Variants in PLCXD3 observed in about 807,000 individuals in gnomAD.
PLCXD3 encodes phosphatidylinositol specific phospholipase C X domain containing 3.
A neutral mutation model predicts 25.5 loss-of-function variants in PLCXD3; 19 were observed. The ratio of observed to expected loss-of-function variants is 0.75; its 90% CI spans 0.52 to 1.09. PLCXD3 has a LOEUF of 1.09. Ranked by LOEUF, PLCXD3 falls within the 50% of genes least tolerant of loss-of-function variation. The pLI is 0.00. For missense variants in PLCXD3, 411 were observed against 388.1 expected (o/e 1.06, Z -0.50); for synonymous variants, 174 against 137.6 (o/e 1.26, Z -1.85).
intron 2 of PLCXD3, among the ~76,000 whole-genome samples, chr5:41,357,717 T>G (rs1371615461): frequency 6.6e-6 from 1 of 152,174 alleles, no homozygotes; most frequent in African/African-American, 2.4e-5. Context: ...ATCGCTACAA[T>G]AGATGTAAGC....
At chr5:41,371,085 C>T (rs1745081423) in intron 2 of PLCXD3, among the ~76,000 whole-genome samples, 1 of 152,088 alleles carries the variant, frequency 6.6e-6, no homozygotes, top group Non-Finnish European at 1.5e-5. Flanking sequence ...TAGCCAATCC[C>T]TCAGCTAGGA....
At chr5:41,384,389 T>C (rs1000261845) in intron 1 of PLCXD3, among the ~76,000 whole-genome samples, 1 of 151,960 alleles carries the variant, frequency 6.6e-6, no homozygotes, top group African/African-American at 2.4e-5. Context: ...TGAAAGAAAG[T>C]TTAAGAAGAA....
At chr5:41,489,014 T>A (rs1489554912) in intron 1 of PLCXD3, among the ~76,000 whole-genome samples, 1 of 152,180 alleles carries the variant, frequency 6.6e-6, no homozygotes, top group Non-Finnish European at 1.5e-5. Flanking sequence ...CATGCCTATG[T>A]CCTGAATGGT....
At chr5:41,438,113 G>A (rs567292411) in intron 1 of PLCXD3, among the ~76,000 whole-genome samples, 3 of 152,246 alleles carry the variant, frequency 2.0e-5, no homozygotes, top group Admixed American at 1.3e-4. Flanking sequence ...GACCACTAGC[G>A]AAATTGTTAC....
At chr5:41,376,180 A>G (rs1745290408) in intron 2 of PLCXD3, among the ~76,000 whole-genome samples, 1 of 152,094 alleles carries the variant, frequency 6.6e-6, no homozygotes, top group Admixed American at 6.6e-5. Flanking sequence ...AGGGCTGCCC[A>G]TCATCCAACT....
At chr5:41,394,076 A>G (rs1580347401) in intron 1 of PLCXD3, among the ~76,000 whole-genome samples, 1 of 152,206 alleles carries the variant, frequency 6.6e-6, no homozygotes, top group African/African-American at 2.4e-5. Flanking sequence ...AATAATAACT[A>G]CAACAATGTT....
rs922117792 is a variant in PLCXD3 at position 41,308,804 on chromosome 5, A to G, written c.*4813T>C. 1 of 152,234 alleles carries G rather than the reference A, an allele frequency of 6.6e-6. No individual in the cohort carries two copies. The highest frequency in any genetic ancestry group is 1.5e-5 in the Non-Finnish European group (1 of 68,000). 9.4% of individuals were successfully genotyped at this position (152,234 alleles called of 1,614,324 possible). A position where few individuals can be genotyped will look rare whatever the true frequency, so the allele number is the denominator to read the frequency against. ...TTGGGAAGGTCAACTTTAAAGGTGT[A>G]CTGGTTCTATTGTTGATGAAAACAA... On this transcript the variant is annotated 3_prime_UTR_variant, in exon 3 of 3. Transcript: ENST00000377801.
intron 1 of PLCXD3, among the ~76,000 whole-genome samples, chr5:41,469,405 C>G: frequency 6.6e-6 from 1 of 151,838 alleles, no homozygotes; most frequent in East Asian, 1.9e-4. Context: ...ATTTCCTCCA[C>G]GAGTTTTCTG....
chr5:41,361,567 C>G (rs1744780824), intron 2 of PLCXD3, among the ~76,000 whole-genome samples: 1 of 152,168 alleles, frequency 6.6e-6, no homozygotes. Context: ...CCCTAATATC[C>G]ACTTTGGGCT....
chr5:41,320,120 C>G lies in PLCXD3; in HGVS notation c.813-6350G>C, dbSNP rs320605. Among the ~76,000 whole-genome samples, 13 of 152,108 alleles carry G rather than the reference C, an allele frequency of 8.5e-5. No individual in the cohort carries two copies. The East Asian group carries it at 1.9e-3, about 23-fold the overall frequency. ...TGAGATCAAAGCCATAATAAAAAGT[C>G]TCCCAGTAAAGAAAACCCCGAGACC... On this transcript the variant is annotated intron_variant, in intron 2 of 2. Coordinates refer to ENST00000377801, the MANE Select transcript of PLCXD3 (RefSeq NM_001005473.3).
chr5:41,319,685 T>A (rs995322038), intron 2 of PLCXD3, among the ~76,000 whole-genome samples: 1 of 151,764 alleles, frequency 6.6e-6, no homozygotes, highest in Non-Finnish European at 1.5e-5. Context: ...AACAATCTAA[T>A]GATGCATCTT....
chr5:41,318,882 C>A (rs557703504), intron 2 of PLCXD3, among the ~76,000 whole-genome samples: 1 of 152,086 alleles, frequency 6.6e-6, no homozygotes, highest in Non-Finnish European at 1.5e-5. Flanking sequence ...CACACATAGA[C>A]CGAAAATAAA....
chr5:41,326,963 G>A (rs191493227), intron 2 of PLCXD3, among the ~76,000 whole-genome samples: 1 of 152,278 alleles, frequency 6.6e-6, no homozygotes, highest in East Asian at 1.9e-4. Flanking sequence ...ATGACAATAT[G>A]ATATGGTACA....
At chr5:41,462,282 C>G (rs954966238) in intron 1 of PLCXD3, among the ~76,000 whole-genome samples, 1 of 151,954 alleles carries the variant, frequency 6.6e-6, no homozygotes, top group Non-Finnish European at 1.5e-5. Context: ...GCCAAGAGAA[C>G]AGAACTAGTG....
chr5:41,366,687 T>C (rs1054485347), intron 2 of PLCXD3, among the ~76,000 whole-genome samples: 2 of 152,230 alleles, frequency 1.3e-5, no homozygotes, highest in Admixed American at 6.5e-5. Flanking sequence ...GGGCTCCATG[T>C]GGAGGATGTG....
chr5:41,436,048 T>C (rs1747246664), intron 1 of PLCXD3, among the ~76,000 whole-genome samples: 1 of 152,080 alleles, frequency 6.6e-6, no homozygotes, highest in Non-Finnish European at 1.5e-5. Flanking sequence ...GGGACAAATA[T>C]TGAAAGAGAA....
intron 2 of PLCXD3, among the ~76,000 whole-genome samples, chr5:41,342,302 G>C (rs2150478121): frequency 6.6e-6 from 1 of 152,228 alleles, no homozygotes. Flanking sequence ...TGCTGTTTTA[G>C]GTGTTGAAGA....
At chr5:41,413,606 A>G (rs913073167) in intron 1 of PLCXD3, among the ~76,000 whole-genome samples, 1 of 152,200 alleles carries the variant, frequency 6.6e-6, no homozygotes, top group African/African-American at 2.4e-5. Flanking sequence ...TTTGTTTCTA[A>G]CAGTCAATGT....
At chr5:41,458,135 C>T (rs318081) in intron 1 of PLCXD3, among the ~76,000 whole-genome samples, 26,431 of 151,754 alleles carry the variant, frequency 0.17, 2,503 homozygotes, top group Middle Eastern at 0.26. Context: ...CCTCATCCCA[C>T]GCCTGCTAAT....
Sources: gnomAD v4.1 joint callset for allele counts (sites outside exome capture counted in the v4.1 genomes callset) on GRCh38, gnomAD v4.1.1 for gene constraint, MANE v1.5 for transcripts, NCBI Gene and HGNC (gene_info 2026-07-23, HGNC 2026-07-21) for gene names.